PPP2R2B: variants seen among roughly 807,000 people sequenced by gnomAD.
PPP2R2B encodes the protein serine/threonine-protein phosphatase 2A 55 kDa regulatory subunit B beta isoform.
Under a neutral mutation model 46.0 loss-of-function variants are expected in PPP2R2B, and 5 were observed. That is an observed-to-expected ratio of 0.11 (90% CI 0.06 to 0.23). The LOEUF is 0.23. PPP2R2B is among the 10% of genes least tolerant of loss of function. The pLI is 1.00. For missense variants in PPP2R2B, 367 were observed against 575.0 expected, an observed-to-expected ratio of 0.64 and a Z score of 3.70; for synonymous variants, 215 against 206.7, an observed-to-expected ratio of 1.04 and a Z score of -0.34.
intron 5 of PPP2R2B, among the ~76,000 whole-genome samples, chr5:146,671,622 A>G (rs1033433434): frequency 6.6e-6 from 1 of 152,228 alleles, no homozygotes; most frequent in Non-Finnish European, 1.5e-5. Context: ...CAAGTACTGC[A>G]TGAAGCAGAT....
intron 5 of PPP2R2B, among the ~76,000 whole-genome samples, chr5:146,668,165 A>G (rs984681003): frequency 7.2e-6 from 1 of 139,654 alleles, no homozygotes; most frequent in African/African-American, 2.6e-5. Flanking sequence ...AATTGGATAC[A>G]TTTAAGAGTC....
At chr5:146,737,876 A>G (rs556298637) in intron 2 of PPP2R2B, among the ~76,000 whole-genome samples, 208 of 151,920 alleles carry the variant, frequency 1.4e-3, no homozygotes, top group Admixed American at 2.4e-3. Flanking sequence ...GGAGGTGGAC[A>G]TTGCAGTGAG....
chr5:146,690,955 C>G (rs559151870), intron 5 of PPP2R2B, among the ~76,000 whole-genome samples, 173 bp downstream of exon 5: 2 of 152,334 alleles, frequency 1.3e-5, no homozygotes, highest in South Asian at 4.1e-4. Flanking sequence ...GAAGGCTTGG[C>G]ACCTTTCCTG....
intron 1 of PPP2R2B, among the ~76,000 whole-genome samples, chr5:146,957,575 A>C (rs768917190): frequency 1.3e-5 from 2 of 152,168 alleles, no homozygotes; most frequent in African/African-American, 2.4e-5. Context: ...AAATAAATAC[A>C]TCTTTATTTG....
At chr5:146,955,773 A>ATTTTTTTT (rs1751865567) in intron 1 of PPP2R2B, among the ~76,000 whole-genome samples, 1 of 131,150 alleles carries the variant, frequency 7.6e-6, no homozygotes, top group African/African-American at 2.9e-5. Context: ...TCTTTCTATT[A>ATTTTTTTT]CTTTTTTTTT....
intron 2 of PPP2R2B, chr5:146,706,910 T>G (rs1273737516): frequency 3.1e-6 from 4 of 1,289,490 alleles, no homozygotes; most frequent in Middle Eastern, 2.3e-4. Flanking sequence ...GATCTGGGAC[T>G]GCAGCTCCCG....
chr5:146,934,621 T>G (rs542642644), intron 1 of PPP2R2B, among the ~76,000 whole-genome samples: 1 of 150,208 alleles, frequency 6.7e-6, no homozygotes, highest in African/African-American at 2.5e-5. Context: ...AAGAACGTGT[T>G]TGGTGCCTGG....
chr5:146,666,116 G>T (rs1776967892), intron 5 of PPP2R2B, among the ~76,000 whole-genome samples: 1 of 152,186 alleles, frequency 6.6e-6, no homozygotes, highest in East Asian at 1.9e-4. Context: ...ATGATTTAAT[G>T]TCATAGCTTA....
chr5:146,764,800 C>T (rs1321129567), intron 2 of PPP2R2B, among the ~76,000 whole-genome samples: 1 of 149,826 alleles, frequency 6.7e-6, no homozygotes, highest in African/African-American at 2.5e-5. Flanking sequence ...ATCTCTATCC[C>T]GAGAGAGAGA....
At chr5:146,653,686 G>T (rs552899272) in intron 5 of PPP2R2B, among the ~76,000 whole-genome samples, 1 of 152,168 alleles carries the variant, frequency 6.6e-6, no homozygotes, top group African/African-American at 2.4e-5. Flanking sequence ...GGAACAAGAG[G>T]CATTACAGAG....
upstream of PPP2R2B, among the ~76,000 whole-genome samples, chr5:147,058,894 T>G (rs1316487179): frequency 6.6e-6 from 1 of 152,172 alleles, no homozygotes; most frequent in Non-Finnish European, 1.5e-5. Context: ...AATCACCTGA[T>G]GAGCTAATGA....
At chr5:146,903,522 A>G (rs1020349345) in intron 1 of PPP2R2B, among the ~76,000 whole-genome samples, 4 of 151,070 alleles carry the variant, frequency 2.6e-5, no homozygotes, top group African/African-American at 9.7e-5. Flanking sequence ...CAGCCTCCTG[A>G]GTAGCCGGGA....
intron 1 of PPP2R2B, among the ~76,000 whole-genome samples, chr5:146,890,037 C>A (rs1372416945): frequency 6.6e-6 from 1 of 152,330 alleles, no homozygotes; most frequent in African/African-American, 2.4e-5. Flanking sequence ...TCCGCACACA[C>A]ACAATGGCTC....
intron 2 of PPP2R2B, among the ~76,000 whole-genome samples, chr5:146,715,943 G>A (rs140418189): frequency 1.3e-5 from 2 of 152,186 alleles, no homozygotes; most frequent in African/African-American, 4.8e-5. Context: ...CTCCATCAAA[G>A]TTTAACTCCT....
rs1411018950 is a variant in PPP2R2B, at chr5:146,698,133, C to G, written c.180G>C (p.Gln60His). 1.3e-6 allele frequency: 2 copies of G among 1,592,602 alleles called. No homozygotes were observed. The highest frequency in any genetic ancestry group is 1.1e-5 in the South Asian group (1 of 87,506). ...IFQREQESKN[Q>H]VHRRGEYNVY... ...CATTGTATTCACCCCTACGATGAAC[C>G]TGATTTTTACTCTGTAGGAAAGGAA... Residue 60 changes from glutamine to histidine, a missense_variant, in exon 4 of 10, where the codon CAG becomes CAC. Physicochemically the swap from Gln to His is conservative, Grantham distance 24. Transcript: ENST00000394411.
intron 2 of PPP2R2B, among the ~76,000 whole-genome samples, chr5:146,856,313 C>A (rs1760660919): frequency 6.6e-6 from 1 of 152,102 alleles, no homozygotes; most frequent in Non-Finnish European, 1.5e-5. Flanking sequence ...TTCCTATGTA[C>A]AATAACTATT....
intron 7 of PPP2R2B, among the ~76,000 whole-genome samples, chr5:146,623,644 G>A (rs1030161874): frequency 6.6e-6 from 1 of 152,100 alleles, no homozygotes; most frequent in African/African-American, 2.4e-5. Flanking sequence ...TTTGACCCTG[G>A]GATTAAGGAT....
At position 146,905,265 on chromosome 5, in the gene PPP2R2B, C is replaced by T. The variant is rs575102272; in HGVS notation, c.79+150400G>A. Among the ~76,000 whole-genome samples the T allele has an allele frequency of 5.3e-5, 8 of 152,260 alleles. No individual in the cohort carries two copies. The South Asian group carries it at 1.0e-3, about 20-fold the overall frequency. ...AAAATTAAACACACACCATTCAATCCACTCCTGTATATTTATTAGGAAGAA... is the reference window on the plus strand; with the variant it reads ...AAAATTAAACACACACCATTCAATCTACTCCTGTATATTTATTAGGAAGAA... On this transcript the variant is annotated intron_variant, in intron 1 of 8. Transcript: ENST00000336640.
At chr5:146,954,180 T>C (rs1751766539) in intron 1 of PPP2R2B, among the ~76,000 whole-genome samples, 1 of 150,356 alleles carries the variant, frequency 6.7e-6, no homozygotes, top group African/African-American at 2.4e-5. Context: ...TCTCTCTCCC[T>C]CCTCCGAACC....
Sources: gnomAD v4.1 joint callset for allele counts (sites outside exome capture counted in the v4.1 genomes callset) on GRCh38, gnomAD v4.1.1 for gene constraint, MANE v1.5 for transcripts, NCBI Gene and HGNC (gene_info 2026-07-23, HGNC 2026-07-21) for gene names.